The following GRIP1 variants were observed in gnomAD, a reference collection of about 807,000 sequenced individuals.
GRIP1 encodes the protein glutamate receptor-interacting protein 1.
In GRIP1, 45 loss-of-function variants were observed where a neutral mutation model predicts 129.9. The ratio of observed to expected loss-of-function variants is 0.35; its 90% confidence interval spans 0.27 to 0.44. The LOEUF is 0.44. Ranked by LOEUF, GRIP1 falls within the 20% of genes least tolerant of loss-of-function variation. GRIP1 has a pLI of 1.00. For synonymous variants in GRIP1, 530 were observed against 520.8 expected, an observed-to-expected ratio of 1.02 and a Z score of -0.24; for missense variants, 1,196 against 1,396.8, an observed-to-expected ratio of 0.86 and a Z score of 2.29.
intron 1 of GRIP1, among the ~76,000 whole-genome samples, chr12:66,840,221 G>A (rs181784227): frequency 6.6e-6 from 1 of 151,924 alleles, no homozygotes; most frequent in Non-Finnish European, 1.5e-5. Flanking sequence ...ATAATAATAG[G>A]CTTCTGATAT....
chr12:66,888,998 A>C (rs1420432976), intron 1 of GRIP1, among the ~76,000 whole-genome samples: 19 of 152,250 alleles, frequency 1.2e-4, no homozygotes, highest in Admixed American at 1.2e-3. Flanking sequence ...TAGAAGACAG[A>C]GTTGAACTAC....
intron 1 of GRIP1, among the ~76,000 whole-genome samples, chr12:66,916,886 C>T (rs2041132741): frequency 6.6e-6 from 1 of 152,150 alleles, no homozygotes; most frequent in African/African-American, 2.4e-5. Flanking sequence ...ACTTGTATTT[C>T]CATTGCTTTG....
intron 2 of GRIP1, among the ~76,000 whole-genome samples, chr12:66,546,619 A>T (rs2061954908): frequency 6.6e-6 from 1 of 152,186 alleles, no homozygotes; most frequent in Non-Finnish European, 1.5e-5. Flanking sequence ...ATGCAAATGC[A>T]ATTCAATAGA....
At chr12:66,684,883 GAAACA>G (rs778285394) in intron 1 of GRIP1, among the ~76,000 whole-genome samples, 1 of 151,920 alleles carries the variant, frequency 6.6e-6, no homozygotes, top group African/African-American at 2.4e-5. Flanking sequence ...GAAACGAAAC[GAAACA>G]AAACTACCTT....
chr12:67,060,699 C>G (rs910392115), intron 1 of GRIP1, among the ~76,000 whole-genome samples: 3 of 151,624 alleles, frequency 2.0e-5, no homozygotes, highest in Admixed American at 6.6e-5. Flanking sequence ...GGTGCACACC[C>G]GTAATCCCAG....
At chr12:66,765,614 A>G (rs1489977162) in intron 1 of GRIP1, among the ~76,000 whole-genome samples, 2 of 152,166 alleles carry the variant, frequency 1.3e-5, no homozygotes, top group African/African-American at 4.8e-5. Flanking sequence ...TCCTTGCTTC[A>G]CACTCCATGG....
At chr12:66,493,164 C>T (rs1371917455) in intron 7 of GRIP1, among the ~76,000 whole-genome samples, 5 of 152,150 alleles carry the variant, frequency 3.3e-5, no homozygotes, top group African/African-American at 1.2e-4. Flanking sequence ...TGGGATGGGC[C>T]TGGGCATTTT....
At chr12:66,723,304 C>CTTTTTTT (rs57938064) in intron 1 of GRIP1, among the ~76,000 whole-genome samples, 4 of 58,428 alleles carry the variant, frequency 6.8e-5, no homozygotes, top group Admixed American at 4.8e-4. Context: ...TTCTTTCTTT[C>CTTTTTTT]TTTTTTTTTT....
chr12:67,057,600 C>T (rs1306970944), intron 1 of GRIP1, among the ~76,000 whole-genome samples: 1 of 152,076 alleles, frequency 6.6e-6, no homozygotes, highest in Non-Finnish European at 1.5e-5. Flanking sequence ...AGAGCCAATG[C>T]TATTATCATA....
intron 1 of GRIP1, among the ~76,000 whole-genome samples, chr12:66,960,298 G>A (rs937375671): frequency 6.6e-6 from 1 of 152,170 alleles, no homozygotes; most frequent in Non-Finnish European, 1.5e-5. Context: ...CTGAAGAGGT[G>A]AGAGCTGTAC....
At chr12:67,054,390 T>C (rs1422824039) in intron 1 of GRIP1, among the ~76,000 whole-genome samples, 2 of 152,120 alleles carry the variant, frequency 1.3e-5, no homozygotes, top group African/African-American at 4.8e-5. Flanking sequence ...CCATTAACAA[T>C]AAACAGCAGG....
At chr12:66,622,977 C>T (rs1396368336) in intron 1 of GRIP1, among the ~76,000 whole-genome samples, 1 of 152,152 alleles carries the variant, frequency 6.6e-6, no homozygotes, top group East Asian at 1.9e-4. Context: ...GCTGTCTCCC[C>T]CTCTATATTA....
At chr12:66,796,065 T>C (rs1447778290) in intron 1 of GRIP1, among the ~76,000 whole-genome samples, 1 of 152,038 alleles carries the variant, frequency 6.6e-6, no homozygotes, top group African/African-American at 2.4e-5. Context: ...CAAACCATCT[T>C]TTCATACCCC....
At chr12:66,757,614 C>CAG in intron 1 of GRIP1, among the ~76,000 whole-genome samples, 1 of 152,260 alleles carries the variant, frequency 6.6e-6, no homozygotes, top group South Asian at 2.1e-4. Flanking sequence ...ATATACCTAG[C>CAG]AGTTGGATTG....
At chr12:67,048,182 T>C (rs1205781162) in intron 1 of GRIP1, among the ~76,000 whole-genome samples, 1 of 152,020 alleles carries the variant, frequency 6.6e-6, no homozygotes, top group Non-Finnish European at 1.5e-5. Context: ...TGTTAACTCT[T>C]TCATATAGAT....
chr12:66,823,349 G>A (rs901981584), intron 1 of GRIP1, among the ~76,000 whole-genome samples: 5 of 152,068 alleles, frequency 3.3e-5, no homozygotes, highest in Non-Finnish European at 5.9e-5. Context: ...TGCTGCCTTT[G>A]TATTTGTTTT....
upstream of GRIP1, among the ~76,000 whole-genome samples, chr12:66,806,010 TA>T (rs2038985498): frequency 6.6e-6 from 1 of 151,398 alleles, no homozygotes; most frequent in Non-Finnish European, 1.5e-5. Flanking sequence ...AATCCTTTAT[TA>T]TTCTGATTCC....
At chr12:66,552,997 C>T (rs572768424) in intron 2 of GRIP1, among the ~76,000 whole-genome samples, 12 of 152,268 alleles carry the variant, frequency 7.9e-5, no homozygotes, top group African/African-American at 2.9e-4. Flanking sequence ...GCTGTGCTGC[C>T]TATATCAAGG....
chr12:66,982,903 T>C (rs972834858), intron 1 of GRIP1, among the ~76,000 whole-genome samples: 6 of 152,146 alleles, frequency 3.9e-5, no homozygotes, highest in Admixed American at 3.9e-4. Context: ...CCTTTGAAGT[T>C]TGTAGGGGCC....
Sources: allele counts gnomAD v4.1 joint callset (sites outside exome capture counted in the v4.1 genomes callset), GRCh38; gene constraint gnomAD v4.1.1; transcripts MANE v1.5; gene names NCBI Gene and HGNC (gene_info 2026-07-23, HGNC 2026-07-21).